Variants in TDRD9 observed in about 807,000 individuals in gnomAD.
TDRD9 encodes tudor domain containing 9, also known as ATP-dependent RNA helicase TDRD9.
A neutral mutation model predicts 172.6 loss-of-function variants in TDRD9; 124 were observed. The ratio of observed to expected loss-of-function variants is 0.72; its 90% CI spans 0.62 to 0.83. The LOEUF is 0.83. TDRD9 is among the 40% of genes least tolerant of loss of function. The pLI is 0.00. For synonymous variants in TDRD9, 619 were observed against 617.1 expected (o/e 1.00, Z -0.05); for missense variants, 1,479 against 1,714.1 (o/e 0.86, Z 2.42).
chr14:103,994,282 C>A, intron 9 of TDRD9, 50 bp from the exon 10 acceptor site: 1 of 1,521,316 alleles, frequency 6.6e-7, no homozygotes, highest in Non-Finnish European at 9.1e-7. Flanking sequence ...TGGTTTCTAG[C>A]AGTAAATACA....
chr14:104,013,372 C>G (rs2034674374), intron 20 of TDRD9, among the ~76,000 whole-genome samples: 1 of 152,106 alleles, frequency 6.6e-6, no homozygotes, highest in Non-Finnish European at 1.5e-5. Flanking sequence ...AGGTCACTTA[C>G]TTTGTTTTTA....
At chr14:104,026,641 T>G in intron 27 of TDRD9, 38 bp from the exon 28 acceptor site, 1 of 1,603,216 alleles carries the variant, frequency 6.2e-7, no homozygotes, top group Non-Finnish European at 8.5e-7. Flanking sequence ...TTTGCTTATT[T>G]ATAAAGCTGT....
At chr14:103,973,980 C>G (rs1356032760) in intron 6 of TDRD9, among the ~76,000 whole-genome samples, 1 of 152,174 alleles carries the variant, frequency 6.6e-6, no homozygotes, top group African/African-American at 2.4e-5. Flanking sequence ...GGCAGATCGC[C>G]TGAGCTCACA....
intron 29 of TDRD9, 110 bp downstream of exon 29, chr14:104,031,373 A>T: frequency 5.4e-6 from 5 of 922,188 alleles, no homozygotes; most frequent in Non-Finnish European, 7.9e-6. Flanking sequence ...CTGGCTTTTA[A>T]TGCTGTTACT....
intron 1 of TDRD9, among the ~76,000 whole-genome samples, chr14:103,944,563 GC>G (rs995355158): frequency 1.1e-5 from 1 of 88,002 alleles, no homozygotes; most frequent in Admixed American, 1.8e-4. Context: ...TCTCCACCCC[GC>G]CCCCCACCCT....
intron 7 of TDRD9, among the ~76,000 whole-genome samples, chr14:103,977,141 A>G (rs113544506): frequency 2.0e-5 from 3 of 152,268 alleles, no homozygotes; most frequent in African/African-American, 7.2e-5. Context: ...ATTAGCCAGT[A>G]GTATGCCTTC....
intron 7 of TDRD9, among the ~76,000 whole-genome samples, chr14:103,983,025 C>G (rs1457776009): frequency 6.6e-6 from 1 of 151,442 alleles, no homozygotes; most frequent in Admixed American, 6.6e-5. Flanking sequence ...TAGAGCATGC[C>G]CCCCGCCCCA....
intron 1 of TDRD9, among the ~76,000 whole-genome samples, chr14:103,934,595 A>G (rs2030628688): frequency 6.6e-6 from 1 of 152,160 alleles, no homozygotes; most frequent in African/African-American, 2.4e-5. Context: ...TGGCTAATAC[A>G]GTGAAACCCC....
chr14:104,013,896 A>G (rs984000271), intron 20 of TDRD9: 1 of 150,044 alleles, frequency 6.7e-6, no homozygotes, highest in Non-Finnish European at 1.5e-5. Context: ...TAGCCACTGC[A>G]CTGTCTAGCC....
intron 5 of TDRD9, 28 bp downstream of exon 5, chr14:103,966,859 T>A: frequency 6.5e-7 from 1 of 1,536,458 alleles, no homozygotes; most frequent in African/African-American, 1.4e-5. Context: ...CTTGTAAAGG[T>A]CATATTTATC....
At chr14:104,048,566 G>C (rs1347302715) in intron 34 of TDRD9, among the ~76,000 whole-genome samples, 2 of 152,108 alleles carry the variant, frequency 1.3e-5, no homozygotes, top group Non-Finnish European at 2.9e-5. Flanking sequence ...AGCTAAGTAT[G>C]GGTTGAAAAG....
In TDRD9 at chr14:103,928,607, C is replaced by A. The variant is rs569772232; in HGVS notation, c.98C>A (p.Pro33Gln). Residue 33 changes from proline to glutamine, a missense_variant, in exon 1 of 36, where the codon CCG (proline) becomes CAG (glutamine). Transcript: ENST00000409874. ...CTGCTGGGCGCGCCGCCCGCCTTCC[C>A]GGCAGGGGCGGCCAGGGAGGAGGTG... ...VELLGAPPAFPAGAAREEVQR... is the reference protein window; with the variant it reads ...VELLGAPPAFQAGAAREEVQR... The A allele has an allele frequency of 1.5e-6, 2 of 1,331,932 alleles. No individual in the cohort carries two copies. Among genetic ancestry groups the A allele is most frequent in the African/African-American group, 3.1e-5 (2 of 65,036 alleles). 82.5% of individuals were successfully genotyped at this position (1,331,932 alleles called of 1,614,324 possible).
At chr14:104,026,180 C>A in intron 27 of TDRD9, 44 bp downstream of exon 27, 1 of 1,344,052 alleles carries the variant, frequency 7.4e-7, no homozygotes, top group Non-Finnish European at 1.1e-6. Flanking sequence ...GCATGCTGGA[C>A]AGGATTCCTG....
At chr14:103,936,742 C>A (rs1297272038) in intron 1 of TDRD9, among the ~76,000 whole-genome samples, 1 of 152,164 alleles carries the variant, frequency 6.6e-6, no homozygotes, top group Non-Finnish European at 1.5e-5. Context: ...ACCTTACTCC[C>A]CAGTAATCTA....
intron 32 of TDRD9, among the ~76,000 whole-genome samples, chr14:104,037,593 G>A (rs2035489129): frequency 1.3e-5 from 2 of 152,188 alleles, no homozygotes; most frequent in Admixed American, 1.3e-4. Flanking sequence ...TTTAAAAAGG[G>A]GAAGGAGATA....
At position 104,018,018 on chromosome 14, in the gene TDRD9, CT is replaced by C. The variant is rs1036110577; in HGVS notation, c.2332-71del. On this transcript the variant is annotated intron_variant, in intron 22 of 35. Coordinates refer to ENST00000409874, the MANE Select transcript of TDRD9 (RefSeq NM_153046.3). Reference sequence around the variant, plus strand: ...TAGAAACTAAAACAGTGTGCAGCAGCTTTGAGCTTGTGAATGTTGAAACTAT... The same window carrying C: ...TAGAAACTAAAACAGTGTGCAGCAGCTTGAGCTTGTGAATGTTGAAACTAT... The C allele has an allele frequency of 4.2e-5, 36 of 866,444 alleles. No homozygotes were observed. The African/African-American group carries it at 5.2e-4, about 13-fold the overall frequency. 53.7% of individuals were successfully genotyped at this position (866,444 alleles called of 1,614,324 possible). A position where few individuals can be genotyped will look rare whatever the true frequency, so the allele number is the denominator to read the frequency against.
At chr14:103,937,868 A>G (rs1469566651) in intron 1 of TDRD9, among the ~76,000 whole-genome samples, 5 of 123,718 alleles carry the variant, frequency 4.0e-5, no homozygotes, top group African/African-American at 2.9e-5. Context: ...TTTTTTTTTT[A>G]ATTTTCTTTT....
intron 24 of TDRD9, among the ~76,000 whole-genome samples, chr14:104,022,693 C>T (rs1240375813): frequency 6.6e-6 from 1 of 151,762 alleles, no homozygotes; most frequent in South Asian, 2.1e-4. Context: ...CACCACTGCA[C>T]TCCAGCCTGG....
chr14:103,956,022 G>A (rs1310845382), intron 2 of TDRD9, among the ~76,000 whole-genome samples: 2 of 135,472 alleles, frequency 1.5e-5, no homozygotes, highest in Non-Finnish European at 3.1e-5. Flanking sequence ...AGGTGAGAGG[G>A]TCACTTGAGG....
Sources: allele counts gnomAD v4.1 joint callset (sites outside exome capture counted in the v4.1 genomes callset), GRCh38; gene constraint gnomAD v4.1.1; transcripts MANE v1.5; gene names NCBI Gene and HGNC (gene_info 2026-07-23, HGNC 2026-07-21).